EYA3: variants seen among roughly 807,000 people sequenced by gnomAD.
The protein encoded by EYA3 is EYA transcriptional coactivator and phosphatase 3, also known as protein phosphatase EYA3.
Under a neutral mutation model 80.0 loss-of-function variants are expected in EYA3, and 39 were observed. The ratio of observed to expected loss-of-function variants is 0.49; its 90% CI spans 0.38 to 0.64. The LOEUF (loss-of-function observed/expected upper bound fraction) is 0.64. EYA3 is among the 30% of genes least tolerant of loss of function. EYA3 has a pLI of 0.00. For synonymous variants in EYA3, 206 were observed against 232.8 expected, an observed-to-expected ratio of 0.88 and a Z score of 1.05; for missense variants, 523 against 676.1, an observed-to-expected ratio of 0.77 and a Z score of 2.51.
At chr1:28,015,683 A>G (rs1642009766) in intron 8 of EYA3, among the ~76,000 whole-genome samples, 1 of 152,222 alleles carries the variant, frequency 6.6e-6, no homozygotes, top group African/African-American at 2.4e-5. Context: ...GCAATTAACT[A>G]TGGTAATTCA....
chr1:27,984,804 C>G (rs1365462286), intron 16 of EYA3, among the ~76,000 whole-genome samples: 1 of 152,144 alleles, frequency 6.6e-6, no homozygotes, highest in Non-Finnish European at 1.5e-5. Context: ...TCTAGAGCCA[C>G]TACTTCATTT....
In EYA3 at chr1:27,974,426, G is replaced by A. The variant is rs1298073657; in HGVS notation, c.*40C>T. On this transcript the variant is annotated 3_prime_UTR_variant, in exon 18 of 18. Transcript: ENST00000373871. ...TTCCAGTCTCCAGCTCCCTTCAGGA[G>A]TGAAAAGGAGCTCAAGGGGAAGGCT... 3 of 1,531,308 alleles carry A rather than the reference G, an allele frequency of 2.0e-6. No homozygotes were observed. The African/African-American group carries it at 4.1e-5, about 21-fold the overall frequency. 94.9% of individuals were successfully genotyped at this position (1,531,308 alleles called of 1,614,324 possible).
chr1:28,009,668 A>AC lies in EYA3; in HGVS notation c.909+1278_909+1279insG, dbSNP rs58266949. ...AACAACAACAACAACAACAACAACAAAAAACCATTATGGTAAATGAAATAA... is the reference window on the plus strand; with the variant it reads ...AACAACAACAACAACAACAACAACAACAAAACCATTATGGTAAATGAAATAA... On this transcript the variant is annotated intron_variant, in intron 10 of 17. Transcript: ENST00000373871. The surrounding 1 kb of genome is among the most constrained non-coding windows in gnomAD (Gnocchi z 4.8). Among the ~76,000 whole-genome samples, 26,789 of 152,146 alleles carry AC rather than the reference A, an allele frequency of 0.18. 2,425 individuals are homozygous for AC. The highest frequency in any genetic ancestry group is 0.25 in the East Asian group (1,277 of 5,160).
rs116238469 is a variant in EYA3, at chr1:28,014,894, G to A, written c.586-1600C>T. The stretch of plus-strand genomic sequence containing the variant: ...AAACTAGGTATGACAGTTCAAATAC[G>A]CAGCTAAAAAAATTCCATTGACACT... On this transcript the variant is annotated intron_variant, in intron 8 of 17. Transcript: ENST00000373871. Among the ~76,000 whole-genome samples, 728 of 152,164 alleles carry A rather than the reference G, an allele frequency of 4.8e-3. 5 individuals carry two copies. The highest frequency in any genetic ancestry group is 0.017 in the African/African-American group (691 of 41,520).
chr1:28,007,162 G>A (rs1641343595), intron 10 of EYA3, among the ~76,000 whole-genome samples: 1 of 151,564 alleles, frequency 6.6e-6, no homozygotes, highest in Non-Finnish European at 1.5e-5. Flanking sequence ...CGTTGACCAG[G>A]CTGGTCTCAA....
At chr1:27,990,271 C>A in intron 14 of EYA3, 1 of 181,780 alleles carries the variant, frequency 5.5e-6, no homozygotes, top group East Asian at 1.5e-4. Flanking sequence ...TCACATCACC[C>A]ACCATCTTCC....
chr1:27,989,229 G>C (rs879570699), intron 15 of EYA3, among the ~76,000 whole-genome samples: 2 of 152,188 alleles, frequency 1.3e-5, no homozygotes, highest in Admixed American at 6.5e-5. Flanking sequence ...TATTGGTGCA[G>C]ACACAGACTG....
At chr1:28,084,582 TATATATATATA>T (rs1645564979) in intron 1 of EYA3, among the ~76,000 whole-genome samples, 19 of 17,118 alleles carry the variant, frequency 1.1e-3, no homozygotes, top group Non-Finnish European at 2.2e-3. Flanking sequence ...TATATATATA[TATATATATATA>T]TATTTTTTTT....
chr1:28,078,384 T>C (rs1645297717), intron 1 of EYA3, among the ~76,000 whole-genome samples: 1 of 152,170 alleles, frequency 6.6e-6, no homozygotes, highest in Non-Finnish European at 1.5e-5. Flanking sequence ...TAAATGTCAA[T>C]CATGCCCTGT....
chr1:27,981,050 C>T (rs1639267341), intron 16 of EYA3, among the ~76,000 whole-genome samples: 1 of 152,004 alleles, frequency 6.6e-6, no homozygotes, highest in Admixed American at 6.6e-5. Flanking sequence ...CTCAAGAAAA[C>T]CCCCCAAAAC....
chr1:27,991,047 T>C (rs1262810172), intron 14 of EYA3, among the ~76,000 whole-genome samples: 1 of 152,146 alleles, frequency 6.6e-6, no homozygotes, highest in Non-Finnish European at 1.5e-5. Flanking sequence ...TGCAAGCTCC[T>C]TCTTTCATCA....
At chr1:28,068,702 C>CA (rs1224360200) in intron 1 of EYA3, among the ~76,000 whole-genome samples, 7 of 151,920 alleles carry the variant, frequency 4.6e-5, no homozygotes, top group Non-Finnish European at 1.0e-4. Context: ...TACAGGCTAG[C>CA]AAAAAAACCC....
In EYA3 at chr1:27,974,244, T is replaced by C. The variant is rs1430021280; in HGVS notation, c.*222A>G. ...GGTTCTGATTGTGTTCTCGCCAGCA[T>C]TCCATGGATAAAGACAGAGAGAGAG... On this transcript the variant is annotated 3_prime_UTR_variant, in exon 18 of 18. Coordinates refer to ENST00000373871, the MANE Select transcript of EYA3 (RefSeq NM_001990.4). 8.5e-6 allele frequency: 3 copies of C among 352,736 alleles called. No individual in the cohort carries two copies. The highest frequency in any genetic ancestry group is 9.7e-5 in the South Asian group (2 of 20,708). 21.9% of individuals were successfully genotyped at this position (352,736 alleles called of 1,614,324 possible). A position where few individuals can be genotyped will look rare whatever the true frequency, so the allele number is the denominator to read the frequency against.
intron 2 of EYA3, among the ~76,000 whole-genome samples, chr1:28,051,073 T>A (rs1280345784): frequency 6.6e-6 from 1 of 152,104 alleles, no homozygotes; most frequent in Non-Finnish European, 1.5e-5. Flanking sequence ...AAGCAGCTGG[T>A]ATCCAAGGAA....
intron 16 of EYA3, among the ~76,000 whole-genome samples, chr1:27,984,667 T>G (rs1353551996): frequency 6.6e-6 from 1 of 152,228 alleles, no homozygotes; most frequent in East Asian, 1.9e-4. Flanking sequence ...CCTAGTGCCT[T>G]GGCGTTGCCT....
In EYA3 at chr1:27,973,824, T is replaced by G. The variant is rs554767660; in HGVS notation, c.*642A>C. The G allele has an allele frequency of 7.9e-5, 12 of 152,336 alleles. No individual in the cohort carries two copies. Among genetic ancestry groups the G allele is most frequent in the African/African-American group, 2.9e-4 (12 of 41,582 alleles). 9.4% of individuals were successfully genotyped at this position (152,336 alleles called of 1,614,324 possible). On this transcript the variant is annotated 3_prime_UTR_variant, in exon 18 of 18. Coordinates refer to ENST00000373871, the MANE Select transcript of EYA3 (RefSeq NM_001990.4). ...TATTTTCAAGACTTTAAACACCCCT[T>G]CTTGCTAGAAAAAGAAAGTGGGGGA...
At position 28,013,054 on chromosome 1, in the gene EYA3, A is replaced by G; in HGVS notation, c.769+57T>C. 1 of 1,545,148 alleles carries G rather than the reference A, an allele frequency of 6.5e-7. No individual in the cohort carries two copies. On this transcript the variant is annotated intron_variant, in intron 9 of 17. Coordinates refer to ENST00000373871, the MANE Select transcript of EYA3 (RefSeq NM_001990.4). The surrounding 1 kb of genome is among the most constrained non-coding windows in gnomAD (Gnocchi z 4.0). ...CAAAATCATCCTTACCATTGCCTAA[A>G]AACAACTGTTGGATGAAGTGACCTT... is the stretch of plus-strand genomic sequence containing the variant.
chr1:28,072,369 T>C (rs1300611377), intron 1 of EYA3, among the ~76,000 whole-genome samples: 4 of 152,152 alleles, frequency 2.6e-5, no homozygotes, highest in Non-Finnish European at 5.9e-5. Context: ...ATGAGCTGCA[T>C]TCAGAGGAGA....
chr1:27,987,207 G>GT (rs1639718609), intron 16 of EYA3, among the ~76,000 whole-genome samples: 1 of 152,120 alleles, frequency 6.6e-6, no homozygotes, highest in African/African-American at 2.4e-5. Context: ...GAATCATAAA[G>GT]TATTTGTCTT....
Sources: allele counts gnomAD v4.1 joint callset (sites outside exome capture counted in the v4.1 genomes callset), GRCh38; gene constraint gnomAD v4.1.1; non-coding constraint Gnocchi (gnomAD v3.1); transcripts MANE v1.5; gene names NCBI Gene and HGNC (gene_info 2026-07-23, HGNC 2026-07-21).